Variants in AOAH observed in about 807,000 individuals in gnomAD.
AOAH encodes the protein acyloxyacyl hydrolase, also known as acyloxyacyl hydrolase (neutrophil).
Under a neutral mutation model 92.2 loss-of-function variants are expected in AOAH, and 64 were observed. That is an observed-to-expected ratio of 0.69 (90% CI 0.57 to 0.86). AOAH has a LOEUF of 0.86. AOAH is among the 40% of genes least tolerant of loss of function. The pLI is 0.00. For synonymous variants in AOAH, 263 were observed against 254.5 expected (o/e 1.03, Z -0.32); for missense variants, 656 against 694.6 (o/e 0.94, Z 0.62).
At chr7:36,719,357 C>T (rs1350651067) in intron 1 of AOAH, among the ~76,000 whole-genome samples, 1 of 152,102 alleles carries the variant, frequency 6.6e-6, no homozygotes, top group East Asian at 1.9e-4. Context: ...AAGGTACAAC[C>T]CCCACGGAGA....
At chr7:36,540,896 C>T (rs1163823222) in intron 15 of AOAH, among the ~76,000 whole-genome samples, 4 of 152,202 alleles carry the variant, frequency 2.6e-5, no homozygotes, top group Non-Finnish European at 2.9e-5. Context: ...GAGACGTAAA[C>T]ATTTGTTGCT....
At chr7:36,617,132 C>T (rs1791957296) in intron 10 of AOAH, among the ~76,000 whole-genome samples, 2 of 152,126 alleles carry the variant, frequency 1.3e-5, no homozygotes, top group African/African-American at 4.8e-5. Flanking sequence ...GAGAGAGGCA[C>T]CTCCTTTTTC....
intron 12 of AOAH, among the ~76,000 whole-genome samples, chr7:36,592,141 A>G (rs1352652656): frequency 6.6e-6 from 1 of 152,204 alleles, no homozygotes; most frequent in Non-Finnish European, 1.5e-5. Flanking sequence ...TTGTCATAAA[A>G]GCCTTGATTG....
At chr7:36,648,084 G>A (rs978858079) in intron 4 of AOAH, among the ~76,000 whole-genome samples, 1 of 151,876 alleles carries the variant, frequency 6.6e-6, no homozygotes, top group Non-Finnish European at 1.5e-5. Context: ...CTCCCGCCTC[G>A]ACCTCCCAAA....
At chr7:36,565,029 T>C (rs1787587026) in intron 13 of AOAH, among the ~76,000 whole-genome samples, 1 of 152,240 alleles carries the variant, frequency 6.6e-6, no homozygotes, top group Admixed American at 6.5e-5. Flanking sequence ...AGATATGTCA[T>C]ATTGAATTCT....
Position 36,673,981 on chromosome 7 carries a change from A to G in AOAH, c.252T>C (p.Tyr84=). Residue 84 remains tyrosine, a synonymous_variant, in exon 3 of 21, where the codon TAT becomes TAC. Transcript: ENST00000617537. The stretch of plus-strand genomic sequence containing the variant: ...CTGATCCAAACTTGTCAATGACTAA[A>G]TAGCAGGTGGTTTTCAAGAACAGTT... ...PEKLFLKTTC[Y]LVIDKFGSDI... is the part of the protein sequence containing the mutation. The G allele has an allele frequency of 6.2e-7, 1 of 1,610,822 alleles. No individual in the cohort carries two copies. The highest frequency in any genetic ancestry group is 8.5e-7 in the Non-Finnish European group (1 of 1,177,344).
intron 4 of AOAH, among the ~76,000 whole-genome samples, chr7:36,649,534 T>C (rs1276948197): frequency 1.3e-5 from 2 of 152,136 alleles, no homozygotes; most frequent in African/African-American, 4.8e-5. Flanking sequence ...AAATGCTAAC[T>C]AGGCAAAAAC....
chr7:36,601,043 A>T (rs1790535298), intron 11 of AOAH, among the ~76,000 whole-genome samples: 1 of 152,096 alleles, frequency 6.6e-6, no homozygotes. Flanking sequence ...CCCAGGGGAA[A>T]GGCCCCCGGG....
chr7:36,607,359 C>T (rs903421209), intron 11 of AOAH, among the ~76,000 whole-genome samples: 25 of 152,322 alleles, frequency 1.6e-4, no homozygotes, highest in Non-Finnish European at 2.2e-4. Flanking sequence ...AGGAATGGAA[C>T]GAAACATGTC....
intron 4 of AOAH, among the ~76,000 whole-genome samples, chr7:36,648,461 A>G (rs1294033688): frequency 6.6e-6 from 1 of 152,014 alleles, no homozygotes; most frequent in African/African-American, 2.4e-5. Context: ...TGATTCAAAC[A>G]GAAAATAATT....
At chr7:36,686,329 T>C (rs1476120316) in intron 2 of AOAH, among the ~76,000 whole-genome samples, 1 of 152,218 alleles carries the variant, frequency 6.6e-6, no homozygotes, top group Non-Finnish European at 1.5e-5. Flanking sequence ...TGAATGTTGG[T>C]CAAGTTAACA....
At chr7:36,673,540 A>G (rs963907853) in intron 3 of AOAH, among the ~76,000 whole-genome samples, 4 of 152,224 alleles carry the variant, frequency 2.6e-5, no homozygotes, top group African/African-American at 9.6e-5. Context: ...CTGTCTCAGG[A>G]AAAGAAAAAA....
rs573292502 is a variant in AOAH at position 36,597,652 on chromosome 7, G to A, written c.847-3222C>T. On this transcript the variant is annotated intron_variant, in intron 11 of 20. Transcript: ENST00000617537. ...TCCCTCACCTTTTTCTCTGTCATCC[G>A]TGCAATGGCAACTCCAGACTTGGGA... is the stretch of plus-strand genomic sequence containing the variant. 5.3e-5 allele frequency among the ~76,000 whole-genome samples: 8 copies of A among 152,246 alleles called. No individual in the cohort carries two copies. In the East Asian group the frequency reaches 7.7e-4, roughly 15 times the overall value.
intron 1 of AOAH, among the ~76,000 whole-genome samples, chr7:36,694,824 T>C (rs1430574200): frequency 1.3e-5 from 2 of 152,124 alleles, no homozygotes; most frequent in African/African-American, 2.4e-5. Flanking sequence ...GAGAATGGGA[T>C]AGATGATAGA....
chr7:36,520,347 C>T (rs1784046205), intron 20 of AOAH, among the ~76,000 whole-genome samples: 2 of 152,280 alleles, frequency 1.3e-5, no homozygotes, highest in South Asian at 2.1e-4. Flanking sequence ...CCATTGTTTA[C>T]AGAATCAGAA....
At position 36,513,260 on chromosome 7, in the gene AOAH, C is replaced by A; in HGVS notation, c.1720G>T (p.Gly574Trp). ...QIKQVFGDQG[G>W]H Reference sequence around the variant, plus strand: ...GCATGCTCCTGAGAGGCTCAGTGCCCGCCTTGGTCTCCAAACACCTGTTTA... The same window carrying A: ...GCATGCTCCTGAGAGGCTCAGTGCCAGCCTTGGTCTCCAAACACCTGTTTA... Residue 574 changes from glycine to tryptophan, a missense_variant, in exon 21 of 21, where the codon GGG becomes TGG. Gly to Trp is a radical substitution (Grantham distance 184). Coordinates refer to ENST00000617537, the MANE Select transcript of AOAH (RefSeq NM_001637.4). 1 of 1,614,164 alleles carries A rather than the reference C, an allele frequency of 6.2e-7. No individual in the cohort carries two copies. Among genetic ancestry groups the A allele is most frequent in the Non-Finnish European group, 8.5e-7 (1 of 1,180,028 alleles).
intron 4 of AOAH, among the ~76,000 whole-genome samples, chr7:36,645,343 G>A (rs1285393724): frequency 6.6e-6 from 1 of 152,156 alleles, no homozygotes; most frequent in South Asian, 2.1e-4. Flanking sequence ...ACCTGACCCT[G>A]TTGGCACCGT....
At chr7:36,699,699 CTT>C (rs938281812) in intron 1 of AOAH, among the ~76,000 whole-genome samples, 3 of 142,498 alleles carry the variant, frequency 2.1e-5, no homozygotes, top group African/African-American at 7.8e-5. Flanking sequence ...TTATTAATCT[CTT>C]GTTAGATGGA....
At chr7:36,583,337 T>G (rs1789071801) in intron 12 of AOAH, among the ~76,000 whole-genome samples, 1 of 152,172 alleles carries the variant, frequency 6.6e-6, no homozygotes, top group South Asian at 2.1e-4. Context: ...CTAGGAAAAT[T>G]TAAGAAAAGG....
Sources: gnomAD v4.1 joint callset for allele counts (sites outside exome capture counted in the v4.1 genomes callset) on GRCh38, gnomAD v4.1.1 for gene constraint, MANE v1.5 for transcripts, NCBI Gene and HGNC (gene_info 2026-07-23, HGNC 2026-07-21) for gene names.